NLRC5: variants seen among roughly 807,000 people sequenced by gnomAD.
The protein encoded by NLRC5 is NLR family CARD domain containing 5, also known as protein NLRC5.
Under a neutral mutation model 206.9 loss-of-function variants are expected in NLRC5, and 114 were observed. The ratio of observed to expected loss-of-function variants is 0.55; its 90% CI spans 0.47 to 0.64. NLRC5 has a LOEUF of 0.64. Ranked by LOEUF, NLRC5 falls within the 30% of genes least tolerant of loss-of-function variation. The pLI, the probability that NLRC5 is intolerant of heterozygous loss-of-function variation, is 0.00. For synonymous variants in NLRC5, 952 were observed against 962.8 expected (o/e 0.99, Z 0.21); for missense variants, 2,008 against 2,305.5 (o/e 0.87, Z 2.64).
chr16:57,025,369 G>T lies in NLRC5; in HGVS notation c.426G>T (p.Glu142Asp). 1 of 1,532,428 alleles carries T rather than the reference G, an allele frequency of 6.5e-7. No individual in the cohort carries two copies. Among genetic ancestry groups the T allele is most frequent in the African/African-American group, 1.4e-5 (1 of 72,440 alleles). The allele number at this position is 1,532,428 out of a possible 1,614,324, so 94.9% of individuals were successfully genotyped here. A position where few individuals can be genotyped will look rare whatever the true frequency, so the allele number is the denominator to read the frequency against. Residue 142 changes from glutamate (E) to aspartate (D), a missense_variant and splice_region_variant, in exon 6 of 49, where the codon GAG becomes GAT. By Grantham distance (45) the Glu-to-Asp change is conservative (BLOSUM62 2). Transcript: ENST00000688547. ...RRKQCKKQQL[E>D]LAKKYLQLLR... ...ATGCCATGTCCCTGCCCCTTGCAGA[G>T]TTGGCCAAGAAGTACCTGCAGCTCC...
At chr16:57,063,256 G>A (rs2066735919) in intron 32 of NLRC5, among the ~76,000 whole-genome samples, 1 of 151,822 alleles carries the variant, frequency 6.6e-6, no homozygotes, top group Non-Finnish European at 1.5e-5. Flanking sequence ...GGGATTACAG[G>A]CGCCCGCCAC....
chr16:57,005,691 G>A (rs2058818693), intron 1 of NLRC5, among the ~76,000 whole-genome samples: 1 of 152,080 alleles, frequency 6.6e-6, no homozygotes, highest in Admixed American at 6.6e-5. Flanking sequence ...GGCCAAGGTG[G>A]GCAGATTGCT....
chr16:57,028,257 T>C, intron 7 of NLRC5, 45 bp from the exon 8 acceptor site: 2 of 1,591,796 alleles, frequency 1.3e-6, no homozygotes, highest in Non-Finnish European at 1.7e-6. Context: ...GGCCCCGCCC[T>C]TTTCCCCTCC....
rs199512041 is a variant in NLRC5, at chr16:57,025,487, C to A, written c.544C>A (p.Arg182Ser). The change falls in exon 6 of 49, where the codon CGC becomes AGC. Residue 182 changes from arginine (R) to serine (S), a missense_variant. By Grantham distance (110) the Arg-to-Ser change is moderately radical. Transcript: ENST00000688547. The part of the protein sequence containing the change: ...FHQVYVPPIL[R>S]RATASLDTPE... ...CCAGGTCTATGTCCCTCCAATCCTG[C>A]GCCGGGCCACAGCATCCTTAGACAC... 1.4e-5 allele frequency: 22 copies of A among 1,613,170 alleles called. No individual in the cohort carries two copies. Among genetic ancestry groups the A allele is most frequent in the Non-Finnish European group, 1.6e-5 (19 of 1,179,488 alleles).
chr16:57,023,906 G>T, intron 5 of NLRC5, 53 bp downstream of exon 5: 2 of 1,510,534 alleles, frequency 1.3e-6, no homozygotes, highest in East Asian at 2.4e-5. Flanking sequence ...TTGCCTGGGG[G>T]CCAAGACCCG....
intron 1 of NLRC5, chr16:57,013,289 AAT>A: frequency 1.6e-6 from 1 of 613,184 alleles, no homozygotes; most frequent in African/African-American, 1.8e-5. Flanking sequence ...AGTGATCACT[AAT>A]ATGTCATTTC....
Position 57,061,703 on chromosome 16 carries a change from T to A in NLRC5, c.4154+2T>A. 6.2e-7 allele frequency: 1 copy of A among 1,602,064 alleles called. No homozygotes were observed. Among genetic ancestry groups the A allele is most frequent in the Non-Finnish European group, 8.5e-7 (1 of 1,176,356 alleles). ...ACCCGCAGGGCTGTTCAGCCTCAGG[T>A]ACCTCCTCCCCCGCTGCCTCCGGGA... is the stretch of plus-strand genomic sequence containing the variant. On this transcript the variant is annotated splice_donor_variant, in intron 32 of 48. Coordinates refer to ENST00000688547, the MANE Select transcript of NLRC5 (RefSeq NM_001384950.1). LOFTEE classifies it high-confidence loss of function.
chr16:57,025,239 C>A, intron 5 of NLRC5, 129 bp from the exon 6 acceptor site: 1 of 1,443,498 alleles, frequency 6.9e-7, no homozygotes, highest in South Asian at 1.6e-5. Flanking sequence ...CTCTTGACAC[C>A]CCCACCCTCA....
rs9708774 is a variant in NLRC5 at position 57,015,944 on chromosome 16, A to G, written c.-127-1130A>G. On this transcript the variant is annotated intron_variant, in intron 1 of 48. Coordinates refer to ENST00000688547, the MANE Select transcript of NLRC5 (RefSeq NM_001384950.1). ...CCATCTCAAAAAAAAAAAAAAAAAA[A>G]AAAAGAAAGAAAAGAAAAGAAGCAC... 2.0e-3 allele frequency among the ~76,000 whole-genome samples: 245 copies of G among 120,236 alleles called. 16 individuals carry two copies. Among genetic ancestry groups the G allele is most frequent in the Middle Eastern group, 0.015 (2 of 136 alleles). 78.9% of individuals were successfully genotyped at this position (120,236 alleles called of 152,430 possible). A position where few individuals can be genotyped will look rare whatever the true frequency, so the allele number is the denominator to read the frequency against.
At position 57,056,314 on chromosome 16, in the gene NLRC5, G is replaced by A. The variant is rs550317606; in HGVS notation, c.3746+795G>A. Among the ~76,000 whole-genome samples, 5 of 152,106 alleles carry A rather than the reference G, an allele frequency of 3.3e-5. No homozygotes were observed. The South Asian group carries it at 1.0e-3, about 32-fold the overall frequency. Reference sequence around the variant, plus strand: ...TGGATTTCTTTTTTTTTTAAGACCTGGGGTCTCACTCTGTTGCCCAGGCTG... The same window carrying A: ...TGGATTTCTTTTTTTTTTAAGACCTAGGGTCTCACTCTGTTGCCCAGGCTG... On this transcript the variant is annotated intron_variant, in intron 27 of 48. Coordinates refer to ENST00000688547, the MANE Select transcript of NLRC5 (RefSeq NM_001384950.1).
intron 10 of NLRC5, among the ~76,000 whole-genome samples, chr16:57,030,614 A>AGATGGATGGATGGATG: frequency 7.1e-6 from 1 of 141,244 alleles, no homozygotes; most frequent in East Asian, 2.2e-4. Flanking sequence ...GTGTGTGAAA[A>AGATGGATGGATGGATG]GATGGATGGA....
chr16:57,039,698 C>A, intron 15 of NLRC5, 83 bp from the exon 16 acceptor site: 4 of 1,284,326 alleles, frequency 3.1e-6, no homozygotes, highest in South Asian at 2.5e-5. Flanking sequence ...GCTTGGGCAA[C>A]AGACTGAGAC....
At chr16:57,043,735 C>T (rs561865182) in intron 20 of NLRC5, 131 bp downstream of exon 20, 2 of 744,806 alleles carry the variant, frequency 2.7e-6, no homozygotes, top group Non-Finnish European at 4.9e-6. Context: ...AGTACCAGAT[C>T]TGCAGAGCAT....
chr16:57,070,443 G>A, intron 37 of NLRC5, 92 bp from the exon 38 acceptor site: 1 of 1,141,400 alleles, frequency 8.8e-7, no homozygotes, highest in South Asian at 1.3e-5. Flanking sequence ...GGCCTCCCAG[G>A]GGACAGAGCA....
chr16:57,041,637 G>A, intron 18 of NLRC5, 63 bp downstream of exon 18: 1 of 1,381,848 alleles, frequency 7.2e-7, no homozygotes, highest in Non-Finnish European at 1.0e-6. Context: ...TAGTGTTGGT[G>A]TTTGGGTTTG....
At position 57,077,789 on chromosome 16, in the gene NLRC5, C is replaced by T. The variant is rs1597461965; in HGVS notation, c.4990C>T (p.Leu1664=). 3.1e-6 allele frequency: 5 copies of T among 1,603,802 alleles called. No individual in the cohort carries two copies. The highest frequency in any genetic ancestry group is 4.3e-6 in the Non-Finnish European group (5 of 1,173,862). ...LAESLVLCRR[L]EELMLGCNAL... is the part of the protein sequence containing the mutation. ...AGAGTCTCTCGTTCTTTGCAGGCGC[C>T]TGGAGGAGTTGATGTGAGTGTCTGC... is the stretch of plus-strand genomic sequence containing the variant. Residue 1664 remains leucine, a synonymous_variant, in exon 42 of 49, where the codon CTG becomes TTG. Transcript: ENST00000688547.
rs753352904 is a variant in NLRC5 at position 57,022,186 on chromosome 16, C to T, written c.296-70C>T. ...TGTGAGATGAGCCCTGAGCCAGGCG[C>T]CAGGCCAGAGCTGGTCCCCAGCATC... On this transcript the variant is annotated intron_variant, in intron 3 of 48. Transcript: ENST00000688547. 281 of 1,390,386 alleles carry T rather than the reference C, an allele frequency of 2.0e-4. 1 individual carries two copies. Among genetic ancestry groups the T allele is most frequent in the Non-Finnish European group, 2.7e-4 (270 of 992,084 alleles). 86.1% of individuals were successfully genotyped at this position (1,390,386 alleles called of 1,614,324 possible).
At chr16:57,031,132 A>G (rs2061836206) in intron 10 of NLRC5, among the ~76,000 whole-genome samples, 1 of 152,070 alleles carries the variant, frequency 6.6e-6, no homozygotes, top group African/African-American at 2.4e-5. Flanking sequence ...AAAAAAACTC[A>G]CAACATTCTT....
intron 2 of NLRC5, among the ~76,000 whole-genome samples, chr16:57,020,234 C>G (rs1399239078): frequency 1.3e-5 from 2 of 150,916 alleles, no homozygotes; most frequent in Non-Finnish European, 3.0e-5. Flanking sequence ...AGGTCACCTG[C>G]CCCACAACTC....
Sources: gnomAD v4.1 joint callset for allele counts (sites outside exome capture counted in the v4.1 genomes callset) on GRCh38, gnomAD v4.1.1 for gene constraint, MANE v1.5 for transcripts, NCBI Gene and HGNC (gene_info 2026-07-23, HGNC 2026-07-21) for gene names.